ZNF862: variants seen among roughly 807,000 people sequenced by gnomAD.
ZNF862 encodes the protein zinc finger protein 862.
ZNF862 carries 64 observed loss-of-function variants against 91.1 expected under a neutral mutation model. That is an observed-to-expected ratio of 0.70 (90% CI 0.57 to 0.87). ZNF862 has a LOEUF of 0.87. Ranked by LOEUF, ZNF862 falls within the 40% of genes least tolerant of loss-of-function variation. The pLI is 0.00. For missense variants in ZNF862, 1,459 were observed against 1,528.0 expected, an observed-to-expected ratio of 0.95 and a Z score of 0.75; for synonymous variants, 631 against 618.1, an observed-to-expected ratio of 1.02 and a Z score of -0.31.
In ZNF862 at chr7:149,862,073, C is replaced by G. The variant is rs566711140; in HGVS notation, c.2913C>G (p.Asn971Lys). Reference protein sequence around the residue: ...LASFGNDDILNLARYFECSLP... With the variant: ...LASFGNDDILKLARYFECSLP... ...GTTTTGGGAATGATGACATTCTCAA[C>G]CTGGCCAGGTATTTCGAGTGCTCCC... Residue 971 changes from asparagine (N) to lysine (K), a missense_variant, in exon 7 of 8, where the codon AAC (asparagine) becomes AAG (lysine). Asn to Lys is a moderately conservative substitution (Grantham distance 94). Coordinates refer to ENST00000223210, the MANE Select transcript of ZNF862 (RefSeq NM_001099220.3). 2 of 1,613,750 alleles carry G rather than the reference C, an allele frequency of 1.2e-6. No individual in the cohort carries two copies. Among genetic ancestry groups the G allele is most frequent in the Admixed American group, 1.7e-5 (1 of 60,024 alleles).
intron 5 of ZNF862, among the ~76,000 whole-genome samples, chr7:149,853,860 C>CCTGGGAGGTGGAGGTTG (rs1478844548): frequency 2.0e-5 from 3 of 151,654 alleles, no homozygotes; most frequent in African/African-American, 7.3e-5. Flanking sequence ...ATCGCTTGAA[C>CCTGGGAGGTGGAGGTTG]CTGGGAGGTG....
chr7:149,840,948 C>T (rs1241088802), intron 1 of ZNF862: 3 of 985,190 alleles, frequency 3.0e-6, no homozygotes, highest in Admixed American at 1.2e-4. Context: ...AGAGGAGAAA[C>T]CTGATTCCGT....
In ZNF862 at chr7:149,850,787, T is replaced by C. The variant is rs1802046298; in HGVS notation, c.1117+449T>C. The C allele has an allele frequency of 6.3e-6, 1 of 158,804 alleles. No individual in the cohort carries two copies. Among genetic ancestry groups the C allele is most frequent in the South Asian group, 1.8e-4 (1 of 5,684 alleles). The allele number at this position is 158,804 out of a possible 1,614,324, so 9.8% of individuals were successfully genotyped here. A position where few individuals can be genotyped will look rare whatever the true frequency, so the allele number is the denominator to read the frequency against. On this transcript the variant is annotated intron_variant, in intron 5 of 7. Transcript: ENST00000223210. This position sits in a 1 kb window ranked among gnomAD's most constrained non-coding sequence, Gnocchi z 4.2. Reference sequence around the variant, plus strand: ...CAGGAAGCCTTTATAGAGTAGGAAATGTTTTAATTGAGTTCAAAACCAGGT... The same window carrying C: ...CAGGAAGCCTTTATAGAGTAGGAAACGTTTTAATTGAGTTCAAAACCAGGT...
At chr7:149,838,710 G>A in intron 1 of ZNF862, 75 bp downstream of exon 1, 1 of 1,019,326 alleles carries the variant, frequency 9.8e-7, no homozygotes. Flanking sequence ...AGGCGGGGCG[G>A]CTCGGGCGGA....
At chr7:149,838,757 C>T (rs1199555161) in intron 1 of ZNF862, 122 bp downstream of exon 1, 2 of 606,020 alleles carry the variant, frequency 3.3e-6, no homozygotes, top group East Asian at 3.5e-5. Context: ...GGGAAGGACT[C>T]GCCGGCCCGC....
In ZNF862 at chr7:149,860,741, C is replaced by A; in HGVS notation, c.1581C>A (p.Leu527=). ...ATGAAGTCAGCAAAGCGCACAGGCTCTGTGTCAACACGGTTGAAATCAAGG... is the reference window on the plus strand; with the variant it reads ...ATGAAGTCAGCAAAGCGCACAGGCTATGTGTCAACACGGTTGAAATCAAGG... The part of the protein sequence containing the change: ...KYHEVSKAHR[L]CVNTVEIKED... The change falls in exon 7 of 8, where the codon CTC becomes CTA. Residue 527 remains leucine, a synonymous_variant. Coordinates refer to ENST00000223210, the MANE Select transcript of ZNF862 (RefSeq NM_001099220.3). The A allele has an allele frequency of 6.2e-7, 1 of 1,613,958 alleles. No homozygotes were observed. Among genetic ancestry groups the A allele is most frequent in the Non-Finnish European group, 8.5e-7 (1 of 1,179,900 alleles).
At position 149,855,694 on chromosome 7, in the gene ZNF862, G is replaced by A. The variant is rs1456997444; in HGVS notation, c.1118-3728G>A. Among the ~76,000 whole-genome samples, 1 of 152,162 alleles carries A rather than the reference G, an allele frequency of 6.6e-6. No individual in the cohort carries two copies. Among genetic ancestry groups the A allele is most frequent in the Non-Finnish European group, 1.5e-5 (1 of 68,026 alleles). On this transcript the variant is annotated intron_variant, in intron 5 of 7. Transcript: ENST00000223210. This position sits in a 1 kb window ranked among gnomAD's most constrained non-coding sequence, Gnocchi z 4.1. The stretch of plus-strand genomic sequence containing the variant: ...GCCCTGGCAGCCTGTCTATATAGGC[G>A]CCTTCACAGGGGAGTATCACACTGG...
In ZNF862 at chr7:149,847,680, C is replaced by G. The variant is rs1423241448; in HGVS notation, c.242-55C>G. The G allele has an allele frequency of 2.3e-6, 3 of 1,316,720 alleles. No homozygotes were observed. In the East Asian group the frequency reaches 7.3e-5, roughly 32 times the overall value. 81.6% of individuals were successfully genotyped at this position (1,316,720 alleles called of 1,614,324 possible). ...TGTACCTCAGAGCCCCTGTGAGTTG[C>G]AGTGGCTCTAACTATAGGATTTTAA... On this transcript the variant is annotated intron_variant, in intron 3 of 7. Coordinates refer to ENST00000223210, the MANE Select transcript of ZNF862 (RefSeq NM_001099220.3).
In ZNF862 at chr7:149,861,094, G is replaced by T; in HGVS notation, c.1934G>T (p.Arg645Leu). 6.2e-7 allele frequency: 1 copy of T among 1,612,786 alleles called. No homozygotes were observed. Among genetic ancestry groups the T allele is most frequent in the Non-Finnish European group, 8.5e-7 (1 of 1,179,810 alleles). The part of the protein sequence containing the change: ...SEQACVGIYI[R>L]YFKQMEVKES... Reference sequence around the variant, plus strand: ...CAGGCCTGCGTGGGGATTTACATCCGCTACTTCAAGCAGATGGAGGTGAAA... The same window carrying T: ...CAGGCCTGCGTGGGGATTTACATCCTCTACTTCAAGCAGATGGAGGTGAAA... The change falls in exon 7 of 8, where the codon CGC (arginine) becomes CTC (leucine). Residue 645 changes from arginine (R) to leucine (L), a missense_variant. Arg to Leu is a moderately radical substitution (Grantham distance 102, BLOSUM62 -2). Coordinates refer to ENST00000223210, the MANE Select transcript of ZNF862 (RefSeq NM_001099220.3). The surrounding 1 kb of genome is among the most constrained non-coding windows in gnomAD (Gnocchi z 6.7).
intron 6 of ZNF862, 21 bp from the exon 7 acceptor site, chr7:149,860,362 A>G: frequency 6.3e-7 from 1 of 1,591,522 alleles, no homozygotes. Context: ...AGAACCAAGC[A>G]TGATTCAATT....
At position 149,847,595 on chromosome 7, in the gene ZNF862, GTGTGT is replaced by G; in HGVS notation, c.242-139_242-135del. 3 of 3,026 alleles carry G rather than the reference GTGTGT, an allele frequency of 9.9e-4. No homozygotes were observed. The Admixed American group carries it at 0.016, about 17-fold the overall frequency. 0.2% of individuals were successfully genotyped at this position (3,026 alleles called of 1,614,324 possible). A position where few individuals can be genotyped will look rare whatever the true frequency, so the allele number is the denominator to read the frequency against. The stretch of plus-strand genomic sequence containing the variant: ...GCCAGGACTAGAAGAAAATTCAGGT[GTGTGT>G]GTGTGTGTGTGTGTGTGTGTGTGTG... On this transcript the variant is annotated intron_variant, in intron 3 of 7. Transcript: ENST00000223210.
In ZNF862 at chr7:149,862,224, C is replaced by G. The variant is rs746110616; in HGVS notation, c.3064C>G (p.Leu1022Val). The G allele has an allele frequency of 1.2e-6, 2 of 1,613,774 alleles. No individual in the cohort carries two copies. The highest frequency in any genetic ancestry group is 4.5e-5 in the East Asian group (2 of 44,866). The part of the protein sequence containing the change: ...ALAQHCRFPL[L>V]SKLMAVVVCV... Reference sequence around the variant, plus strand: ...GGCCCAGCACTGCCGCTTCCCCCTGCTAAGCAAGCTCATGGCCGTGGTGGT... The same window carrying G: ...GGCCCAGCACTGCCGCTTCCCCCTGGTAAGCAAGCTCATGGCCGTGGTGGT... Residue 1022 changes from leucine to valine, a missense_variant, in exon 7 of 8, where the codon CTA (leucine) becomes GTA (valine). Transcript: ENST00000223210.
Position 149,861,111 on chromosome 7 carries a change from G to C in ZNF862, c.1951G>C (p.Glu651Gln), listed in dbSNP as rs775471737. 1.2e-6 allele frequency: 2 copies of C among 1,612,836 alleles called. No individual in the cohort carries two copies. Residue 651 changes from glutamate to glutamine, a missense_variant, in exon 7 of 8, where the codon GAG becomes CAG. Transcript: ENST00000223210. The surrounding 1 kb of genome is among the most constrained non-coding windows in gnomAD (Gnocchi z 6.7). ...GIYIRYFKQM[E>Q]VKESYITLAP... ...TTACATCCGCTACTTCAAGCAGATG[G>C]AGGTGAAAGAGTCCTACATCACTCT...
rs532561377 is a variant in ZNF862, at chr7:149,859,313, C to T, written c.1118-109C>T. The T allele has an allele frequency of 1.7e-4, 180 of 1,044,538 alleles. 4 individuals are homozygous for T. In the South Asian group the frequency reaches 2.3e-3, roughly 13 times the overall value. The allele number at this position is 1,044,538 out of a possible 1,614,324, so 64.7% of individuals were successfully genotyped here. A position where few individuals can be genotyped will look rare whatever the true frequency, so the allele number is the denominator to read the frequency against. On this transcript the variant is annotated intron_variant, in intron 5 of 7. Transcript: ENST00000223210. Reference sequence around the variant, plus strand: ...CCTGGCCGACTAGACTTTATAAGGACAGAACCCAGAGACACCTCTGTGTAC... The same window carrying T: ...CCTGGCCGACTAGACTTTATAAGGATAGAACCCAGAGACACCTCTGTGTAC...
chr7:149,854,961 C>T (rs1279499510), intron 5 of ZNF862, among the ~76,000 whole-genome samples: 1 of 152,212 alleles, frequency 6.6e-6, no homozygotes. Flanking sequence ...ACCTCTCATC[C>T]TGTTCAGAGT....
At chr7:149,856,903 T>C (rs1042560685) in intron 5 of ZNF862, among the ~76,000 whole-genome samples, 8 of 152,242 alleles carry the variant, frequency 5.3e-5, no homozygotes, top group African/African-American at 1.9e-4. Flanking sequence ...CAGTGATAAC[T>C]TGTTTGGGCA....
rs1802755133 is a variant in ZNF862 at position 149,867,028 on chromosome 7, C to T, written c.*2744C>T. 1 of 152,242 alleles carries T rather than the reference C, an allele frequency of 6.6e-6. No individual in the cohort carries two copies. 9.4% of individuals were successfully genotyped at this position (152,242 alleles called of 1,614,324 possible). On this transcript the variant is annotated 3_prime_UTR_variant, in exon 8 of 8. Transcript: ENST00000223210. ...TGGCTGGAGTCCCAGCGCTTGTCGC[C>T]ACCCTCCTCCTTGCCTGTAGTCTTG... is the stretch of plus-strand genomic sequence containing the variant.
chr7:149,850,553 C>T lies in ZNF862; in HGVS notation c.1117+215C>T, dbSNP rs1802037596. 1.8e-6 allele frequency: 1 copy of T among 543,382 alleles called. No individual in the cohort carries two copies. The highest frequency in any genetic ancestry group is 3.3e-5 in the Admixed American group (1 of 29,916). 33.7% of individuals were successfully genotyped at this position (543,382 alleles called of 1,614,324 possible). On this transcript the variant is annotated intron_variant, in intron 5 of 7. Coordinates refer to ENST00000223210, the MANE Select transcript of ZNF862 (RefSeq NM_001099220.3). This position sits in a 1 kb window ranked among gnomAD's most constrained non-coding sequence, Gnocchi z 4.2. ...CACCTGTTCATCCATTCGTCCCCCACCAAACATTTTGGAGTACCTACTATG... is the reference window on the plus strand; with the variant it reads ...CACCTGTTCATCCATTCGTCCCCCATCAAACATTTTGGAGTACCTACTATG...
In ZNF862 at chr7:149,860,651, T is replaced by A. The variant is rs1219872422; in HGVS notation, c.1491T>A (p.His497Gln). 1 of 1,613,910 alleles carries A rather than the reference T, an allele frequency of 6.2e-7. No homozygotes were observed. Among genetic ancestry groups the A allele is most frequent in the East Asian group, 2.2e-5 (1 of 44,886 alleles). ...CSACIERPNL[H>Q]DKSSRLVRGY... is the part of the protein sequence containing the mutation. The stretch of plus-strand genomic sequence containing the variant: ...CCTGCATAGAAAGACCTAATCTCCA[T>A]GATAAATCATCTCGGTTAGTCAGAG... The change falls in exon 7 of 8, where the codon CAT (histidine) becomes CAA (glutamine). Residue 497 changes from histidine to glutamine, a missense_variant. By Grantham distance (24) the His-to-Gln change is conservative (BLOSUM62 0). Coordinates refer to ENST00000223210, the MANE Select transcript of ZNF862 (RefSeq NM_001099220.3).
Sources: gnomAD v4.1 joint callset for allele counts (sites outside exome capture counted in the v4.1 genomes callset) on GRCh38, gnomAD v4.1.1 for gene constraint, Gnocchi (gnomAD v3.1) non-coding constraint, MANE v1.5 for transcripts, NCBI Gene and HGNC (gene_info 2026-07-23, HGNC 2026-07-21) for gene names.